CLDN1: variants seen among roughly 807,000 people sequenced by gnomAD.
CLDN1 encodes claudin 1.
In CLDN1, 12 loss-of-function variants were observed where a neutral mutation model predicts 22.6. The observed-to-expected ratio is 0.53, with a 90% CI of 0.34 to 0.86. The LOEUF (loss-of-function observed/expected upper bound fraction) is 0.86, where lower values mean the gene tolerates loss of function less well. Ranked by LOEUF, CLDN1 falls within the 40% of genes least tolerant of loss-of-function variation. CLDN1 has a pLI of 0.02. For missense variants in CLDN1, 250 were observed against 269.5 expected, an observed-to-expected ratio of 0.93 and a Z score of 0.51; for synonymous variants, 99 against 103.8, an observed-to-expected ratio of 0.95 and a Z score of 0.28.
intron 2 of CLDN1, among the ~76,000 whole-genome samples, chr3:190,310,746 A>G (rs1174960808): frequency 1.3e-5 from 2 of 152,176 alleles, no homozygotes; most frequent in African/African-American, 2.4e-5. Flanking sequence ...ATGTCTCAGA[A>G]TGGACCAGAA....
chr3:190,319,361 T>A (rs1716857049), intron 1 of CLDN1, among the ~76,000 whole-genome samples: 2 of 152,226 alleles, frequency 1.3e-5, no homozygotes, highest in Non-Finnish European at 2.9e-5. Flanking sequence ...TCAGCCATTA[T>A]AAAACTACAA....
Position 190,306,124 on chromosome 3 carries a change from G to A in CLDN1, c.*2153C>T, listed in dbSNP as rs1321530290. ...ACTATCCTAGCAGCGTCAGCTGCCA[G>A]CTAACAGCAAGAGCTCTGAGGGCAT... On this transcript the variant is annotated 3_prime_UTR_variant, in exon 4 of 4. Coordinates refer to ENST00000295522, the MANE Select transcript of CLDN1 (RefSeq NM_021101.5). 1 of 152,238 alleles carries A rather than the reference G, an allele frequency of 6.6e-6. No individual in the cohort carries two copies. The highest frequency in any genetic ancestry group is 1.9e-4 in the East Asian group (1 of 5,194). 9.4% of individuals were successfully genotyped at this position (152,238 alleles called of 1,614,324 possible).
chr3:190,318,295 G>A (rs1716822887), intron 1 of CLDN1, among the ~76,000 whole-genome samples: 1 of 152,112 alleles, frequency 6.6e-6, no homozygotes, highest in African/African-American at 2.4e-5. Flanking sequence ...TTAAGTTGAT[G>A]CTTCTATATT....
At chr3:190,320,967 A>C (rs1560076960) in intron 1 of CLDN1, among the ~76,000 whole-genome samples, 1 of 151,738 alleles carries the variant, frequency 6.6e-6, no homozygotes, top group African/African-American at 2.4e-5. Context: ...AATTTAAAAA[A>C]CAAAGTAAAA....
Position 190,313,243 on chromosome 3 carries a change from A to G in CLDN1, c.224-207T>C, listed in dbSNP as rs10513847. On this transcript the variant is annotated intron_variant, in intron 1 of 3. Transcript: ENST00000295522. Reference sequence around the variant, plus strand: ...CAAATGCCAGGCTGGATGATGAAAAAGAGATCCCTCCACTCCAATATTTTA... The same window carrying G: ...CAAATGCCAGGCTGGATGATGAAAAGGAGATCCCTCCACTCCAATATTTTA... 97,972 of 580,042 alleles carry G rather than the reference A, an allele frequency of 0.17. 11,330 individuals are homozygous for G. Among genetic ancestry groups the G allele is most frequent in the East Asian group, 0.53 (18,184 of 34,288 alleles). The allele number at this position is 580,042 out of a possible 1,614,324, so 35.9% of individuals were successfully genotyped here. A position where few individuals can be genotyped will look rare whatever the true frequency, so the allele number is the denominator to read the frequency against.
At chr3:190,312,785 A>C in intron 2 of CLDN1, 87 bp downstream of exon 2, 1 of 1,485,254 alleles carries the variant, frequency 6.7e-7, no homozygotes, top group East Asian at 2.3e-5. Context: ...AGAGACTGAA[A>C]TCAAGTATAA....
Position 190,322,305 on chromosome 3 carries a change from G to T in CLDN1, c.-99C>A. 9.1e-7 allele frequency: 1 copy of T among 1,099,902 alleles called. No individual in the cohort carries two copies. Among genetic ancestry groups the T allele is most frequent in the Non-Finnish European group, 1.3e-6 (1 of 741,826 alleles). The allele number at this position is 1,099,902 out of a possible 1,614,324, so 68.1% of individuals were successfully genotyped here. A position where few individuals can be genotyped will look rare whatever the true frequency, so the allele number is the denominator to read the frequency against. On this transcript the variant is annotated 5_prime_UTR_variant, in exon 1 of 4. Coordinates refer to ENST00000295522, the MANE Select transcript of CLDN1 (RefSeq NM_021101.5). ...GGACTCCCGAAGGTGGCTGGGCCCC[G>T]CGGAGGAAGTTAAGGCGGGGAGCCC...
chr3:190,317,568 A>G (rs984605284), intron 1 of CLDN1, among the ~76,000 whole-genome samples: 4 of 152,252 alleles, frequency 2.6e-5, no homozygotes, highest in Admixed American at 6.5e-5. Flanking sequence ...AAGTAGTAGA[A>G]TCTACTATCA....
chr3:190,317,269 TA>T (rs1179981559), intron 1 of CLDN1, among the ~76,000 whole-genome samples: 2 of 152,156 alleles, frequency 1.3e-5, no homozygotes, highest in African/African-American at 4.8e-5. Context: ...TAGCAAACAT[TA>T]AAAAAATTAC....
chr3:190,307,104 T>A lies in CLDN1; in HGVS notation c.*1173A>T, dbSNP rs17500920. 0.15 allele frequency: 22,316 copies of A among 152,614 alleles called. 1,828 individuals carry two copies. The highest frequency in any genetic ancestry group is 0.21 in the African/African-American group (8,808 of 41,512). 9.5% of individuals were successfully genotyped at this position (152,614 alleles called of 1,614,324 possible). ...AACTAATTAATATTCACACTACCTCTTCTAACTGGTTAAGTATCATTATCT... is the reference window on the plus strand; with the variant it reads ...AACTAATTAATATTCACACTACCTCATCTAACTGGTTAAGTATCATTATCT... On this transcript the variant is annotated 3_prime_UTR_variant, in exon 4 of 4. Transcript: ENST00000295522.
chr3:190,321,097 G>A (rs577813933), intron 1 of CLDN1, among the ~76,000 whole-genome samples: 3 of 152,258 alleles, frequency 2.0e-5, no homozygotes, highest in Admixed American at 6.5e-5. Context: ...TGTGGAAGAT[G>A]GAAACCTAAG....
rs929623034 is a variant in CLDN1, at chr3:190,312,747, C to T, written c.388+125G>A. On this transcript the variant is annotated intron_variant, in intron 2 of 3. Transcript: ENST00000295522. ...TTTGAGAACATGAAAGTCAACTGGA[C>T]TTCAGGTCTATGTTTGCAGTTTGCC... The T allele has an allele frequency of 4.8e-6, 5 of 1,043,876 alleles. No homozygotes were observed. In the East Asian group the frequency reaches 9.5e-5, roughly 20 times the overall value. The allele number at this position is 1,043,876 out of a possible 1,614,324, so 64.7% of individuals were successfully genotyped here.
intron 2 of CLDN1, among the ~76,000 whole-genome samples, chr3:190,311,445 C>A (rs934533223): frequency 6.6e-6 from 1 of 152,096 alleles, no homozygotes. Flanking sequence ...ACATCTTTAG[C>A]AAAGCCACAG....
In CLDN1 at chr3:190,308,178, A is replaced by T; in HGVS notation, c.*99T>A. Reference sequence around the variant, plus strand: ...TTTGTTTTGTAATACCATACTTCAGATTACAATACCCAAAATTCTAAGGTC... The same window carrying T: ...TTTGTTTTGTAATACCATACTTCAGTTTACAATACCCAAAATTCTAAGGTC... On this transcript the variant is annotated 3_prime_UTR_variant, in exon 4 of 4. Transcript: ENST00000295522. 7.0e-7 allele frequency: 1 copy of T among 1,430,234 alleles called. No homozygotes were observed. The highest frequency in any genetic ancestry group is 9.8e-7 in the Non-Finnish European group (1 of 1,016,054). The allele number at this position is 1,430,234 out of a possible 1,614,324, so 88.6% of individuals were successfully genotyped here.
At chr3:190,311,334 A>G (rs1716611697) in intron 2 of CLDN1, among the ~76,000 whole-genome samples, 1 of 152,216 alleles carries the variant, frequency 6.6e-6, no homozygotes, top group Admixed American at 6.5e-5. Flanking sequence ...AGCCTTTGAT[A>G]TAAGAGTAAA....
chr3:190,310,544 C>A (rs1716586187), intron 2 of CLDN1, among the ~76,000 whole-genome samples: 1 of 152,098 alleles, frequency 6.6e-6, no homozygotes, highest in Non-Finnish European at 1.5e-5. Flanking sequence ...TGTACAAAAT[C>A]TCTTTTAAAT....
chr3:190,316,133 T>C (rs935160184), intron 1 of CLDN1, among the ~76,000 whole-genome samples: 1 of 152,190 alleles, frequency 6.6e-6, no homozygotes, highest in African/African-American at 2.4e-5. Flanking sequence ...CTCTATAGAA[T>C]AATATATTAT....
Position 190,322,405 on chromosome 3 carries a change from A to G in CLDN1, c.-199T>C, listed in dbSNP as rs893495468. 4.9e-6 allele frequency: 3 copies of G among 610,402 alleles called. No individual in the cohort carries two copies. Among genetic ancestry groups the G allele is most frequent in the Admixed American group, 2.8e-5 (1 of 36,008 alleles). The allele number at this position is 610,402 out of a possible 1,614,324, so 37.8% of individuals were successfully genotyped here. On this transcript the variant is annotated 5_prime_UTR_variant, in exon 1 of 4. Transcript: ENST00000295522. ...CGCCCGGGGCGGCGCTGGAGTCTGG[A>G]TACTAGAAGCTGCGGTTGCTCCCAG...
In CLDN1 at chr3:190,307,099, A is replaced by G. The variant is rs1240206360; in HGVS notation, c.*1178T>C. On this transcript the variant is annotated 3_prime_UTR_variant, in exon 4 of 4. Transcript: ENST00000295522. ...ATATAAACTAATTAATATTCACACT[A>G]CCTCTTCTAACTGGTTAAGTATCAT... 6.6e-6 allele frequency: 1 copy of G among 152,660 alleles called. No individual in the cohort carries two copies. Among genetic ancestry groups the G allele is most frequent in the Non-Finnish European group, 1.5e-5 (1 of 68,044 alleles). The allele number at this position is 152,660 out of a possible 1,614,324, so 9.5% of individuals were successfully genotyped here.
Sources: allele counts gnomAD v4.1 joint callset (sites outside exome capture counted in the v4.1 genomes callset), GRCh38; gene constraint gnomAD v4.1.1; transcripts MANE v1.5; gene names NCBI Gene and HGNC (gene_info 2026-07-23, HGNC 2026-07-21).